PCDHGB4: variants seen among roughly 807,000 people sequenced by gnomAD.
PCDHGB4 encodes protocadherin gamma subfamily B, 4.
Under a neutral mutation model 60.5 loss-of-function variants are expected in PCDHGB4, and 38 were observed. That is an observed-to-expected ratio of 0.63 (90% CI 0.48 to 0.82). PCDHGB4 has a LOEUF of 0.82. Ranked by LOEUF, PCDHGB4 falls within the 40% of genes least tolerant of loss-of-function variation. The pLI, the probability that PCDHGB4 is intolerant of heterozygous loss-of-function variation, is 0.00. For missense variants in PCDHGB4, 1,109 were observed against 1,209.6 expected (o/e 0.92, Z 1.23); for synonymous variants, 456 against 509.7 (o/e 0.89, Z 1.42).
intron 1 of PCDHGB4, among the ~76,000 whole-genome samples, chr5:141,482,554 A>T (rs997707871): frequency 4.1e-5 from 6 of 146,884 alleles, no homozygotes; most frequent in Non-Finnish European, 6.0e-5. Flanking sequence ...AAAAAAGATA[A>T]TGGAGATCTG....
intron 2 of PCDHGB4, among the ~76,000 whole-genome samples, chr5:141,498,967 G>A (rs896386012): frequency 1.5e-5 from 2 of 129,584 alleles, no homozygotes. Context: ...GAGGGAGGGA[G>A]GGAGGGAAGG....
intron 1 of PCDHGB4, chr5:141,422,603 C>G: frequency 6.2e-7 from 1 of 1,614,078 alleles, no homozygotes; most frequent in Non-Finnish European, 8.5e-7. Context: ...TCCTCTTACT[C>G]TGCCTACATT....
intron 1 of PCDHGB4, among the ~76,000 whole-genome samples, chr5:141,494,529 G>C (rs952931724): frequency 1.3e-5 from 2 of 152,132 alleles, no homozygotes; most frequent in African/African-American, 4.8e-5. Flanking sequence ...TCTGACTCTG[G>C]GGGCAGGGAG....
intron 1 of PCDHGB4, chr5:141,394,704 G>A (rs1357305999): frequency 1.2e-6 from 2 of 1,613,268 alleles, no homozygotes; most frequent in East Asian, 2.2e-5. Context: ...CACGGCGCGA[G>A]CCCTGCTGGA....
chr5:141,497,919 T>G (rs762168347), intron 2 of PCDHGB4, among the ~76,000 whole-genome samples: 11 of 152,206 alleles, frequency 7.2e-5, no homozygotes, highest in Non-Finnish European at 1.6e-4. Flanking sequence ...TCTCCTTCAT[T>G]CATTCAACAA....
chr5:141,448,421 A>G (rs1380029405), intron 1 of PCDHGB4, among the ~76,000 whole-genome samples: 1 of 152,132 alleles, frequency 6.6e-6, no homozygotes, highest in Non-Finnish European at 1.5e-5. Flanking sequence ...ACAATATACT[A>G]TGTATATATT....
chr5:141,498,684 C>T (rs1255085852), intron 2 of PCDHGB4, among the ~76,000 whole-genome samples: 1 of 152,192 alleles, frequency 6.6e-6, no homozygotes, highest in South Asian at 2.1e-4. Flanking sequence ...GTAATCCCAG[C>T]ACTTTGGGAG....
intron 1 of PCDHGB4, among the ~76,000 whole-genome samples, chr5:141,429,706 T>G (rs191069331): frequency 7.6e-4 from 116 of 152,354 alleles, no homozygotes; most frequent in African/African-American, 2.5e-3. Flanking sequence ...ACAGTATAAA[T>G]ATTTACGCTC....
rs1228831823 is a variant in PCDHGB4, at chr5:141,487,778, T to C, written c.2398-7029T>C. ...GGTAGACGCTGTGCTTTGTAACTGT[T>C]TCGTGAATTAACCAGAGTTGTCACA... On this transcript the variant is annotated intron_variant, in intron 1 of 3. Coordinates refer to ENST00000519479, the MANE Select transcript of PCDHGB4 (RefSeq NM_003736.4). The surrounding 1 kb of genome is among the most constrained non-coding windows in gnomAD (Gnocchi z 5.0). The C allele has an allele frequency of 6.5e-7, 1 of 1,531,514 alleles. No individual in the cohort carries two copies. The highest frequency in any genetic ancestry group is 2.0e-5 in the Admixed American group (1 of 49,632). 94.9% of individuals were successfully genotyped at this position (1,531,514 alleles called of 1,614,324 possible).
Position 141,490,885 on chromosome 5 carries a change from T to C in PCDHGB4, c.2398-3922T>C, listed in dbSNP as rs1317781676. The stretch of plus-strand genomic sequence containing the variant: ...CTCTCCCCCATTGCATGCCAACACA[T>C]CTCTGCATGTGTTTGTCCTAGACGA... On this transcript the variant is annotated intron_variant, in intron 1 of 3. Coordinates refer to ENST00000519479, the MANE Select transcript of PCDHGB4 (RefSeq NM_003736.4). This position sits in a 1 kb window ranked among gnomAD's most constrained non-coding sequence, Gnocchi z 5.4. The C allele has an allele frequency of 6.2e-7, 1 of 1,613,872 alleles. No individual in the cohort carries two copies. Among genetic ancestry groups the C allele is most frequent in the Non-Finnish European group, 8.5e-7 (1 of 1,179,904 alleles).
chr5:141,409,196 A>G (rs1197077093), intron 1 of PCDHGB4: 2 of 1,613,926 alleles, frequency 1.2e-6, no homozygotes, highest in Non-Finnish European at 1.7e-6. Flanking sequence ...TACCCAGTGT[A>G]AAGTAATCAT....
intron 1 of PCDHGB4, chr5:141,409,041 A>T: frequency 6.2e-7 from 1 of 1,613,982 alleles, no homozygotes; most frequent in Non-Finnish European, 8.5e-7. Flanking sequence ...ATAAACTACT[A>T]CTTCCGAAGC....
chr5:141,415,905 C>T (rs1278855649), intron 1 of PCDHGB4: 5 of 801,160 alleles, frequency 6.2e-6, no homozygotes, highest in Non-Finnish European at 8.6e-6. Context: ...GACAGACTTC[C>T]ATACAGAAGT....
intron 1 of PCDHGB4, among the ~76,000 whole-genome samples, chr5:141,492,221 G>C (rs62379206): frequency 0.18 from 27,189 of 152,134 alleles, 2,633 homozygotes; most frequent in Admixed American, 0.28. Context: ...GGGCTCATGC[G>C]TGTCCTCCCT....
In PCDHGB4 at chr5:141,511,161, G is replaced by A; in HGVS notation, c.2760G>A (p.Lys920=). 1 of 1,614,176 alleles carries A rather than the reference G, an allele frequency of 6.2e-7. No individual in the cohort carries two copies. The highest frequency in any genetic ancestry group is 8.5e-7 in the Non-Finnish European group (1 of 1,180,010). ...GNGNKKKSGK[K]EKK ...GCAACAAGAAGAAGTCGGGCAAGAA[G>A]GAGAAGAAGTAACATGGAGGCCAGG... Residue 920 remains lysine, a synonymous_variant, in exon 4 of 4, where the codon AAG becomes AAA. Transcript: ENST00000519479.
chr5:141,394,336 A>C lies in PCDHGB4; in HGVS notation c.2397+4055A>C, dbSNP rs1205005872. On this transcript the variant is annotated intron_variant, in intron 1 of 3. Coordinates refer to ENST00000519479, the MANE Select transcript of PCDHGB4 (RefSeq NM_003736.4). ...CCCCTGTCCTCGTATATCTCCATCA[A>C]CTCTGACACCGGTGTCCTGTATGCG... 6.2e-7 allele frequency: 1 copy of C among 1,613,822 alleles called. No homozygotes were observed. The highest frequency in any genetic ancestry group is 1.1e-5 in the South Asian group (1 of 91,058).
intron 1 of PCDHGB4, among the ~76,000 whole-genome samples, chr5:141,449,229 A>G (rs1356585763): frequency 1.3e-5 from 2 of 152,142 alleles, no homozygotes; most frequent in South Asian, 2.1e-4. Context: ...AATGATTTCA[A>G]ATTTTCAAAG....
chr5:141,389,039 A>C lies in PCDHGB4; in HGVS notation c.1155A>C (p.Glu385Asp). 1 of 1,613,988 alleles carries C rather than the reference A, an allele frequency of 6.2e-7. No individual in the cohort carries two copies. The highest frequency in any genetic ancestry group is 8.5e-7 in the Non-Finnish European group (1 of 1,179,854). Residue 385 changes from glutamate to aspartate, a missense_variant, in exon 1 of 4, where the codon GAA (glutamate) becomes GAC (aspartate). This residue lies in a region of PCDHGB4 where 1,068 missense variants were observed against 1,089.9 expected (regional missense o/e 0.98). Coordinates refer to ENST00000519479, the MANE Select transcript of PCDHGB4 (RefSeq NM_003736.4). The stretch of plus-strand genomic sequence containing the variant: ...ATGGAGAAGTGACTTGTAAATTGGA[A>C]GGTGATGTTCCATTTAAAATATTAA... ...RHNGEVTCKL[E>D]GDVPFKILTS...
At chr5:141,414,921 G>T (rs746806079) in intron 1 of PCDHGB4, 22 of 1,613,992 alleles carry the variant, frequency 1.4e-5, no homozygotes, top group East Asian at 4.5e-5. Context: ...TGGAGCTGGC[G>T]CCCCGCTCCG....
Sources: allele counts gnomAD v4.1 joint callset (sites outside exome capture counted in the v4.1 genomes callset), GRCh38; gene constraint gnomAD v4.1.1; regional missense constraint gnomAD v4.1.1; non-coding constraint Gnocchi (gnomAD v3.1); transcripts MANE v1.5; gene names NCBI Gene and HGNC (gene_info 2026-07-23, HGNC 2026-07-21).